SEC31B: variants seen among roughly 807,000 people sequenced by gnomAD.
SEC31B encodes the protein SEC31 homolog B, COPII component, also known as protein transport protein Sec31B.
SEC31B carries 113 observed loss-of-function variants against 135.0 expected under a neutral mutation model. That is an observed-to-expected ratio of 0.84 (90% CI 0.72 to 0.98). SEC31B has a LOEUF of 0.98. SEC31B is among the 50% of genes least tolerant of loss of function. SEC31B has a pLI of 0.00. For missense variants in SEC31B, 1,296 were observed against 1,421.1 expected, an observed-to-expected ratio of 0.91 and a Z score of 1.42; for synonymous variants, 508 against 549.4, an observed-to-expected ratio of 0.92 and a Z score of 1.05.
chr10:100,507,887 G>T, intron 6 of SEC31B, 21 bp downstream of exon 6: 5 of 1,614,190 alleles, frequency 3.1e-6, no homozygotes, highest in Non-Finnish European at 4.2e-6. Context: ...CCAAGCCTGT[G>T]TTCTGGCCTC....
At position 100,497,030 on chromosome 10, in the gene SEC31B, C is replaced by A. The variant is rs547418802; in HGVS notation, c.2136+105G>T. The A allele has an allele frequency of 4.3e-6, 6 of 1,402,838 alleles. No homozygotes were observed. In the African/African-American group the frequency reaches 8.5e-5, roughly 20 times the overall value. The allele number at this position is 1,402,838 out of a possible 1,614,324, so 86.9% of individuals were successfully genotyped here. On this transcript the variant is annotated intron_variant, in intron 17 of 25. Transcript: ENST00000370345. ...TTCGCTCCTCCCTAACACCGTGGTT[C>A]CAGCCTGTCCCAGAAGATTCGCCTC...
Position 100,506,304 on chromosome 10 carries a change from C to T in SEC31B, c.882+17G>A, listed in dbSNP as rs1465889026. 1.9e-6 allele frequency: 3 copies of T among 1,614,144 alleles called. No individual in the cohort carries two copies. In the East Asian group the frequency reaches 6.7e-5, roughly 36 times the overall value. ...TCTCTCTCCCATCCCAGCATGCCCACAGAAGGGCCAGCCTACCTCACTGCT... is the reference window on the plus strand; with the variant it reads ...TCTCTCTCCCATCCCAGCATGCCCATAGAAGGGCCAGCCTACCTCACTGCT... On this transcript the variant is annotated intron_variant, in intron 8 of 25. Transcript: ENST00000370345.
At chr10:100,493,954 GGA>G (rs1366105361) in intron 19 of SEC31B, among the ~76,000 whole-genome samples, 3 of 150,770 alleles carry the variant, frequency 2.0e-5, no homozygotes, top group East Asian at 1.9e-4. Flanking sequence ...ACGGGGAGAG[GGA>G]GAGAGAGAGG....
chr10:100,505,425 G>A lies in SEC31B; in HGVS notation c.1115C>T (p.Pro372Leu), dbSNP rs377413747. The A allele has an allele frequency of 3.1e-6, 5 of 1,605,688 alleles. No homozygotes were observed. Among genetic ancestry groups the A allele is most frequent in the Non-Finnish European group, 4.3e-6 (5 of 1,175,948 alleles). ...LQVPEQVAQA[P>L]LIPPLKKPPK... ...GGGTTTTTTCAGGGGAGGTATCAGT[G>A]GTGCTTGTGCCACTTGCTCTGGCAC... Residue 372 changes from proline to leucine, a missense_variant, in exon 10 of 26, where the codon CCA (proline) becomes CTA (leucine). Pro to Leu is a moderately conservative substitution (Grantham distance 98). Transcript: ENST00000370345.
chr10:100,489,521 G>A (rs1469497173), intron 22 of SEC31B, 123 bp from the exon 23 acceptor site: 8 of 1,363,558 alleles, frequency 5.9e-6, no homozygotes, highest in African/African-American at 1.5e-5. Context: ...ACTGGGAAGT[G>A]AGGAGACTGG....
intron 16 of SEC31B, 103 bp downstream of exon 16, chr10:100,497,564 C>T: frequency 6.3e-7 from 1 of 1,584,426 alleles, no homozygotes. Context: ...CATTGCCTCG[C>T]CTCCCACAGC....
In SEC31B at chr10:100,505,469, C is replaced by G; in HGVS notation, c.1071G>C (p.Gln357His). ...CTGGCACCTGCAGTGGTGGGAGAGG[C>G]TGGCCTTTGCTGAAGGAAGAGGAGA... ...DKISSSFSKG[Q>H]PLPPLQVPEQ... Residue 357 changes from glutamine to histidine, a missense_variant, in exon 10 of 26, where the codon CAG (glutamine) becomes CAC (histidine). By Grantham distance (24) the Gln-to-His change is conservative. Transcript: ENST00000370345. The G allele has an allele frequency of 6.4e-7, 1 of 1,567,406 alleles. No individual in the cohort carries two copies. Among genetic ancestry groups the G allele is most frequent in the Non-Finnish European group, 8.6e-7 (1 of 1,159,892 alleles).
chr10:100,516,320 G>A, intron 2 of SEC31B, 101 bp from the exon 3 acceptor site: 1 of 1,341,984 alleles, frequency 7.5e-7, no homozygotes, highest in Non-Finnish European at 1.0e-6. Flanking sequence ...AAGAGGGCTG[G>A]GTATACCCTT....
intron 11 of SEC31B, chr10:100,501,628 C>G (rs890280721): frequency 6.6e-6 from 1 of 152,454 alleles, no homozygotes; most frequent in African/African-American, 2.4e-5. Flanking sequence ...ACAATCATCC[C>G]ACTGACTGAC....
At position 100,506,317 on chromosome 10, in the gene SEC31B, C is replaced by G. The variant is rs766772636; in HGVS notation, c.882+4G>C. ...CCAGCATGCCCACAGAAGGGCCAGCCTACCTCACTGCTCCCCAGGTTCCGG... is the reference window on the plus strand; with the variant it reads ...CCAGCATGCCCACAGAAGGGCCAGCGTACCTCACTGCTCCCCAGGTTCCGG... On this transcript the variant is annotated splice_donor_region_variant and intron_variant, in intron 8 of 25. Coordinates refer to ENST00000370345, the MANE Select transcript of SEC31B (RefSeq NM_015490.4). The G allele has an allele frequency of 6.2e-7, 1 of 1,614,188 alleles. No homozygotes were observed. The highest frequency in any genetic ancestry group is 1.1e-5 in the South Asian group (1 of 91,084).
At chr10:100,504,947 A>C (rs989439723) in intron 10 of SEC31B, among the ~76,000 whole-genome samples, 9 of 152,300 alleles carry the variant, frequency 5.9e-5, no homozygotes, top group Middle Eastern at 3.4e-3. Flanking sequence ...CCCTGTGCAA[A>C]TTTAGCCTTG....
chr10:100,505,746 A>G (rs953114195), intron 9 of SEC31B: 3 of 1,411,914 alleles, frequency 2.1e-6, no homozygotes, highest in Admixed American at 5.9e-5. Context: ...TATAGAAGAG[A>G]GAAAGATAAG....
rs749946359 is a variant in SEC31B at position 100,495,492 on chromosome 10, A to G, written c.2365T>C (p.Leu789=). The change falls in exon 19 of 26, where the codon TTG becomes CTG. Residue 789 remains leucine, a synonymous_variant. Coordinates refer to ENST00000370345, the MANE Select transcript of SEC31B (RefSeq NM_015490.4). ...RLFHAQGSAV[L]GQQSPPFPFP... ...GGGAAAGGGGGAGACTGTTGGCCCA[A>G]GACAGCAGAACCTTGAGCATGAAAA... 15 of 1,614,108 alleles carry G rather than the reference A, an allele frequency of 9.3e-6. No homozygotes were observed. Among genetic ancestry groups the G allele is most frequent in the Non-Finnish European group, 1.3e-5 (15 of 1,180,008 alleles).
In SEC31B at chr10:100,509,437, T is replaced by C. The variant is rs1589739563; in HGVS notation, c.278A>G (p.Asp93Gly). Reference sequence around the variant, plus strand: ...ATTGTATAGAATAAGCATGCCATTGTCCCCGCCGCCAACAATAACCCCGGA... The same window carrying C: ...ATTGTATAGAATAAGCATGCCATTGCCCCCGCCGCCAACAATAACCCCGGA... ...ESSGVIVGGG[D>G]NGMLILYNVT... is the part of the protein sequence containing the mutation. Residue 93 changes from aspartate (D) to glycine (G), a missense_variant, in exon 4 of 26, where the codon GAC becomes GGC. By Grantham distance (94) the Asp-to-Gly change is moderately conservative (BLOSUM62 -1). Transcript: ENST00000370345. The C allele has an allele frequency of 6.2e-7, 1 of 1,613,950 alleles. No individual in the cohort carries two copies. Among genetic ancestry groups the C allele is most frequent in the South Asian group, 1.1e-5 (1 of 91,068 alleles).
In SEC31B at chr10:100,516,162, A is replaced by G. The variant is rs772067883; in HGVS notation, c.137T>C (p.Phe46Ser). 2.5e-6 allele frequency: 4 copies of G among 1,613,966 alleles called. No individual in the cohort carries two copies. The East Asian group carries it at 8.9e-5, about 36-fold the overall frequency. The change falls in exon 3 of 26, where the codon TTT (phenylalanine) becomes TCT (serine). Residue 46 changes from phenylalanine to serine, a missense_variant. Transcript: ENST00000370345. ...AGAAGGGTCCCTGAAATCAACCTCA[A>G]ATATTTCCAATGTGCCATTTGTGCT... is the stretch of plus-strand genomic sequence containing the variant. ...SFSTNGTLEIFEVDFRDPSLD... is the reference protein window; with the variant it reads ...SFSTNGTLEISEVDFRDPSLD...
chr10:100,510,484 CT>C (rs1423122482), intron 3 of SEC31B, among the ~76,000 whole-genome samples: 1 of 152,222 alleles, frequency 6.6e-6, no homozygotes, highest in African/African-American at 2.4e-5. Flanking sequence ...AGTTTGGGTC[CT>C]CTGCAAAGCC....
At chr10:100,515,490 G>A (rs1851814642) in intron 3 of SEC31B, among the ~76,000 whole-genome samples, 1 of 152,160 alleles carries the variant, frequency 6.6e-6, no homozygotes, top group South Asian at 2.1e-4. Context: ...ACACAGATAG[G>A]CCTTGACTTA....
chr10:100,508,933 C>A (rs1002399209), intron 5 of SEC31B, 74 bp downstream of exon 5: 32 of 1,199,458 alleles, frequency 2.7e-5, no homozygotes, highest in Non-Finnish European at 6.2e-6. Context: ...CTCTGATTGG[C>A]TCCAGAACTC....
intron 10 of SEC31B, among the ~76,000 whole-genome samples, chr10:100,504,078 T>C (rs1851579695): frequency 6.6e-6 from 1 of 152,232 alleles, no homozygotes; most frequent in South Asian, 2.1e-4. Context: ...TTGTGGTTCA[T>C]GTTAATTTTC....
Sources: allele counts gnomAD v4.1 joint callset (sites outside exome capture counted in the v4.1 genomes callset), GRCh38; gene constraint gnomAD v4.1.1; transcripts MANE v1.5; gene names NCBI Gene and HGNC (gene_info 2026-07-23, HGNC 2026-07-21).